The following NCKAP5 variants were observed in gnomAD, a reference collection of about 807,000 sequenced individuals.
NCKAP5 encodes nck-associated protein 5.
NCKAP5 carries 92 observed loss-of-function variants against 167.0 expected under a neutral mutation model. The ratio of observed to expected loss-of-function variants is 0.55; its 90% confidence interval spans 0.47 to 0.66. The LOEUF (loss-of-function observed/expected upper bound fraction) is 0.66, where lower values mean the gene tolerates loss of function less well. NCKAP5 is among the 30% of genes least tolerant of loss of function. NCKAP5 has a pLI of 0.00. For synonymous variants in NCKAP5, 891 were observed against 877.4 expected (o/e 1.02, Z -0.27); for missense variants, 2,378 against 2,315.0 (o/e 1.03, Z -0.56).
At chr2:132,906,036 G>C (rs1156511902) in intron 8 of NCKAP5, among the ~76,000 whole-genome samples, 1 of 152,156 alleles carries the variant, frequency 6.6e-6, no homozygotes, top group African/African-American at 2.4e-5. Context: ...ATTGCTATTG[G>C]TTACCAAATA....
intron 3 of NCKAP5, among the ~76,000 whole-genome samples, chr2:133,455,398 T>G (rs1300827526): frequency 6.6e-6 from 1 of 152,144 alleles, no homozygotes; most frequent in Non-Finnish European, 1.5e-5. Context: ...TGGGACAGAT[T>G]TTCCAATGTC....
chr2:133,067,086 C>T (rs919546706), intron 6 of NCKAP5, among the ~76,000 whole-genome samples: 3 of 151,938 alleles, frequency 2.0e-5, no homozygotes, highest in South Asian at 2.1e-4. Flanking sequence ...AGGATGGTCT[C>T]GATCTCCTGA....
intron 3 of NCKAP5, among the ~76,000 whole-genome samples, chr2:133,319,847 TATC>T (rs760608347): frequency 2.0e-4 from 31 of 152,314 alleles, no homozygotes; most frequent in Non-Finnish European, 3.8e-4. Context: ...TATAATTAGT[TATC>T]ATGCTTTTCA....
chr2:132,673,214 G>T lies in NCKAP5; in HGVS notation c.*75C>A. On this transcript the variant is annotated 3_prime_UTR_variant, in exon 20 of 20. Coordinates refer to ENST00000409261, the MANE Select transcript of NCKAP5 (RefSeq NM_207363.3). ...CTTCTCTTTTTCTAATAAAATCACA[G>T]TATTGCTGTTAAATTTATTGAATGA... 4 of 1,452,944 alleles carry T rather than the reference G, an allele frequency of 2.8e-6. No homozygotes were observed. The highest frequency in any genetic ancestry group is 1.8e-4 in the Middle Eastern group (1 of 5,604). 90.0% of individuals were successfully genotyped at this position (1,452,944 alleles called of 1,614,324 possible). A position where few individuals can be genotyped will look rare whatever the true frequency, so the allele number is the denominator to read the frequency against.
intron 5 of NCKAP5, among the ~76,000 whole-genome samples, chr2:133,192,070 T>C (rs2085249915): frequency 1.3e-5 from 2 of 152,178 alleles, no homozygotes; most frequent in South Asian, 4.1e-4. Flanking sequence ...GCAGTAATCA[T>C]GACTGTGTGT....
At chr2:133,308,686 A>ATTTTTTTTT (rs1559371090) in intron 3 of NCKAP5, among the ~76,000 whole-genome samples, 1 of 118,800 alleles carries the variant, frequency 8.4e-6, no homozygotes, top group African/African-American at 3.1e-5. Flanking sequence ...AAGAAATACA[A>ATTTTTTTTT]TTCTTTTTTT....
intron 19 of NCKAP5, chr2:132,714,814 A>AG: frequency 3.0e-5 from 2 of 66,606 alleles, no homozygotes; most frequent in South Asian, 2.5e-4. Flanking sequence ...ATCCATCTCA[A>AG]AAAAAAAAAA....
chr2:133,579,710 C>G, the NCKAP5 span, among the ~76,000 whole-genome samples: 3,819 of 152,284 alleles, frequency 0.025, 57 homozygotes, highest in African/African-American at 0.041. Context: ...TCATCCAACC[C>G]ATGGCAATAA....
At chr2:133,458,077 T>A (rs902374916) in intron 3 of NCKAP5, among the ~76,000 whole-genome samples, 1 of 152,140 alleles carries the variant, frequency 6.6e-6, no homozygotes, top group African/African-American at 2.4e-5. Flanking sequence ...CTGAGATCCA[T>A]GAACATCAGC....
chr2:133,556,701 G>A (rs1392268293), intron 2 of NCKAP5: 4 of 152,204 alleles, frequency 2.6e-5, no homozygotes, highest in Non-Finnish European at 5.9e-5. Flanking sequence ...TAATGCTAAT[G>A]TATTCAGTGA....
At chr2:133,028,232 A>G (rs933776751) in intron 6 of NCKAP5, among the ~76,000 whole-genome samples, 3 of 152,222 alleles carry the variant, frequency 2.0e-5, no homozygotes, top group African/African-American at 7.2e-5. Flanking sequence ...TTTCAAGTAC[A>G]TGGATTTTCC....
chr2:132,801,452 C>T (rs545527626), intron 11 of NCKAP5, among the ~76,000 whole-genome samples: 22 of 152,276 alleles, frequency 1.4e-4, no homozygotes, highest in African/African-American at 3.6e-4. Context: ...TTCATATATA[C>T]GGGTATTTAC....
intron 19 of NCKAP5, among the ~76,000 whole-genome samples, chr2:132,719,474 G>A (rs1269179566): frequency 2.0e-5 from 3 of 152,228 alleles, no homozygotes; most frequent in African/African-American, 7.2e-5. Flanking sequence ...AGAGATACAT[G>A]TACCTAGGAG....
chr2:133,187,499 G>A (rs963026235), intron 5 of NCKAP5, among the ~76,000 whole-genome samples: 3 of 151,944 alleles, frequency 2.0e-5, no homozygotes, highest in Non-Finnish European at 4.4e-5. Flanking sequence ...AGACCCACAT[G>A]GGCAAATTAC....
chr2:132,722,812 T>C (rs547493368), intron 19 of NCKAP5, among the ~76,000 whole-genome samples: 96 of 122,080 alleles, frequency 7.9e-4, no homozygotes, highest in Non-Finnish European at 1.5e-3. Context: ...ATTATGTTTT[T>C]TGTTGTTGTT....
intron 11 of NCKAP5, among the ~76,000 whole-genome samples, chr2:132,841,011 C>G (rs1253891227): frequency 6.6e-6 from 1 of 152,148 alleles, no homozygotes; most frequent in Non-Finnish European, 1.5e-5. Context: ...AACTGAAATA[C>G]TGACTTTGTC....
chr2:133,491,842 T>C (rs1364342395), intron 3 of NCKAP5, among the ~76,000 whole-genome samples: 1 of 152,226 alleles, frequency 6.6e-6, no homozygotes, highest in African/African-American at 2.4e-5. Context: ...GTTCAGCATA[T>C]TGTTTGCCAC....
At chr2:132,755,518 C>T (rs571256517) in intron 16 of NCKAP5, among the ~76,000 whole-genome samples, 1 of 152,158 alleles carries the variant, frequency 6.6e-6, no homozygotes, top group African/African-American at 2.4e-5. Context: ...GCTACTTTTA[C>T]CTCAGACAAC....
intron 16 of NCKAP5, among the ~76,000 whole-genome samples, chr2:132,734,151 C>T (rs1204370262): frequency 6.6e-6 from 1 of 152,188 alleles, no homozygotes; most frequent in Non-Finnish European, 1.5e-5. Context: ...TTATTCATGA[C>T]CTTCTCTTTT....
Sources: gnomAD v4.1 joint callset for allele counts (sites outside exome capture counted in the v4.1 genomes callset) on GRCh38, gnomAD v4.1.1 for gene constraint, MANE v1.5 for transcripts, NCBI Gene and HGNC (gene_info 2026-07-23, HGNC 2026-07-21) for gene names.